LRP1B: variants seen among roughly 807,000 people sequenced by gnomAD.
LRP1B encodes LDL receptor related protein 1B.
A neutral mutation model predicts 556.6 loss-of-function variants in LRP1B; 217 were observed. That is an observed-to-expected ratio of 0.39 (90% CI 0.35 to 0.44). LRP1B has a LOEUF of 0.44. LRP1B is among the 20% of genes least tolerant of loss of function. The pLI, the probability that LRP1B is intolerant of heterozygous loss-of-function variation, is 1.00. For missense variants in LRP1B, 5,053 were observed against 5,620.8 expected, an observed-to-expected ratio of 0.90 and a Z score of 3.23; for synonymous variants, 2,047 against 1,865.8, an observed-to-expected ratio of 1.10 and a Z score of -2.50.
chr2:142,050,067 C>G (rs570328753), intron 1 of LRP1B, among the ~76,000 whole-genome samples: 1 of 152,180 alleles, frequency 6.6e-6, no homozygotes, highest in South Asian at 2.1e-4. Context: ...AAATTAGTTG[C>G]TTGAATAGCA....
At chr2:140,931,812 CTAAATA>C (rs1430824205) in intron 20 of LRP1B, among the ~76,000 whole-genome samples, 1 of 151,736 alleles carries the variant, frequency 6.6e-6, no homozygotes, top group Non-Finnish European at 1.5e-5. Context: ...CTTACATTAT[CTAAATA>C]TAAGTGGATA....
chr2:142,123,295 C>A (rs888082646), intron 1 of LRP1B, among the ~76,000 whole-genome samples: 7 of 151,748 alleles, frequency 4.6e-5, no homozygotes, highest in East Asian at 3.9e-4. Flanking sequence ...AAAAACTCAG[C>A]GGTAGAAAAA....
chr2:140,588,220 T>C (rs1457111179), intron 43 of LRP1B, among the ~76,000 whole-genome samples: 2 of 152,176 alleles, frequency 1.3e-5, no homozygotes, highest in Admixed American at 6.5e-5. Flanking sequence ...AGTTGTTTGA[T>C]GGTTGAAGCA....
chr2:141,342,094 A>G (rs935634087), intron 3 of LRP1B, among the ~76,000 whole-genome samples: 2 of 151,564 alleles, frequency 1.3e-5, no homozygotes, highest in South Asian at 4.2e-4. Flanking sequence ...AATACAAAAA[A>G]TTAGCCAGGA....
At chr2:141,122,368 T>A (rs1226302781) in intron 7 of LRP1B, among the ~76,000 whole-genome samples, 1 of 148,152 alleles carries the variant, frequency 6.7e-6, no homozygotes, top group South Asian at 2.1e-4. Flanking sequence ...AAAGGGCTAA[T>A]ATCCAGAATC....
intron 1 of LRP1B, among the ~76,000 whole-genome samples, chr2:141,971,655 G>T (rs961456138): frequency 6.6e-6 from 1 of 151,608 alleles, no homozygotes; most frequent in East Asian, 1.9e-4. Flanking sequence ...AGCCCATAAG[G>T]CATCAGTGAA....
intron 3 of LRP1B, among the ~76,000 whole-genome samples, chr2:141,327,888 G>C (rs11892584): frequency 1.4e-5 from 2 of 145,510 alleles, no homozygotes; most frequent in Non-Finnish European, 3.0e-5. Context: ...GAGAGAGAGA[G>C]AGAGAGAGAG....
intron 41 of LRP1B, among the ~76,000 whole-genome samples, chr2:140,630,486 C>A (rs887800370): frequency 6.6e-6 from 1 of 152,156 alleles, no homozygotes; most frequent in Non-Finnish European, 1.5e-5. Context: ...ACCAGGAGAA[C>A]AAACCATCAT....
intron 16 of LRP1B, among the ~76,000 whole-genome samples, chr2:140,990,209 T>C (rs1039643589): frequency 1.3e-5 from 2 of 151,688 alleles, no homozygotes; most frequent in Non-Finnish European, 2.9e-5. Flanking sequence ...AAAAAATAAA[T>C]AAATAAAACC....
intron 79 of LRP1B, among the ~76,000 whole-genome samples, chr2:140,329,392 CAGGGCAA>C (rs1680672139): frequency 6.6e-6 from 1 of 151,988 alleles, no homozygotes; most frequent in Non-Finnish European, 1.5e-5. Context: ...AATTTCTTGC[CAGGGCAA>C]TCAGGCAAGA....
intron 31 of LRP1B, among the ~76,000 whole-genome samples, chr2:140,837,846 T>C (rs1450003453): frequency 6.6e-6 from 1 of 152,182 alleles, no homozygotes; most frequent in African/African-American, 2.4e-5. Context: ...TAATGCTAAA[T>C]GATGAGTTAC....
chr2:140,570,135 A>G (rs768778726), intron 43 of LRP1B, among the ~76,000 whole-genome samples: 3 of 151,816 alleles, frequency 2.0e-5, no homozygotes, highest in Non-Finnish European at 3.0e-5. Flanking sequence ...CTTAAAAGCA[A>G]GAGTAAACAA....
Position 141,340,405 on chromosome 2 carries a change from A to T in LRP1B, c.344-85764T>A, listed in dbSNP as rs141048117. On this transcript the variant is annotated intron_variant, in intron 3 of 90. Coordinates refer to ENST00000389484, the MANE Select transcript of LRP1B (RefSeq NM_018557.3). ...TCACATCAGAGTGAGAAAAGGGTAC[A>T]TAAATCTTTAGAAAATGAGGCCTCT... Among the ~76,000 whole-genome samples the T allele has an allele frequency of 6.6e-5, 10 of 152,350 alleles. No individual in the cohort carries two copies. In the East Asian group the frequency reaches 1.5e-3, roughly 24 times the overall value.
intron 1 of LRP1B, among the ~76,000 whole-genome samples, chr2:141,909,524 ACATTTTTTTTTTTT>A (rs1423621089): frequency 2.2e-4 from 23 of 104,524 alleles, no homozygotes; most frequent in South Asian, 9.3e-4. Flanking sequence ...AAGGTCTCAG[ACATTTTTTTTTTTT>A]TTTTTTTTTT....
At chr2:140,656,668 T>C (rs1437028636) in intron 41 of LRP1B, among the ~76,000 whole-genome samples, 2 of 152,134 alleles carry the variant, frequency 1.3e-5, no homozygotes, top group East Asian at 3.9e-4. Flanking sequence ...GATGTGCAAG[T>C]GTATGTCTGT....
At chr2:140,297,210 C>T (rs991704933) in intron 84 of LRP1B, among the ~76,000 whole-genome samples, 3 of 151,988 alleles carry the variant, frequency 2.0e-5, no homozygotes, top group Admixed American at 6.6e-5. Context: ...TGTGAGTTTG[C>T]GGCAGCTCTC....
rs1477962296 is a variant in LRP1B, at chr2:141,586,873, T to C, written c.206-106340A>G. Among the ~76,000 whole-genome samples the C allele has an allele frequency of 4.1e-4, 57 of 140,712 alleles. 1 individual carries two copies. The highest frequency in any genetic ancestry group is 1.5e-3 in the African/African-American group (57 of 37,264). The allele number at this position is 140,712 out of a possible 152,430, so 92.3% of individuals were successfully genotyped here. ...AGGAGAATGGCGTGAACTCGGGAGG[T>C]GGAGCTTGCAGTGAGCCGAGATCGT... On this transcript the variant is annotated intron_variant, in intron 2 of 90. Transcript: ENST00000389484.
intron 7 of LRP1B, among the ~76,000 whole-genome samples, chr2:141,135,979 T>G (rs1701482097): frequency 6.6e-6 from 1 of 151,908 alleles, no homozygotes; most frequent in Admixed American, 6.6e-5. Context: ...TTTGCATGAT[T>G]CAATTTTACT....
chr2:140,487,530 T>A (rs1462745074), intron 58 of LRP1B, 87 bp downstream of exon 58: 2 of 1,287,792 alleles, frequency 1.6e-6, no homozygotes, highest in African/African-American at 3.0e-5. Context: ...TTATGAGTAA[T>A]ATCATGGTCA....
Sources: gnomAD v4.1 joint callset for allele counts (sites outside exome capture counted in the v4.1 genomes callset) on GRCh38, gnomAD v4.1.1 for gene constraint, MANE v1.5 for transcripts, NCBI Gene and HGNC (gene_info 2026-07-23, HGNC 2026-07-21) for gene names.